Variants in SPATA13 observed in about 807,000 individuals in gnomAD.
SPATA13 encodes the protein spermatogenesis associated 13.
SPATA13 carries 50 observed loss-of-function variants against 104.0 expected under a neutral mutation model. That is an observed-to-expected ratio of 0.48 (90% CI 0.38 to 0.61). The LOEUF (loss-of-function observed/expected upper bound fraction) is 0.61. Ranked by LOEUF, SPATA13 falls within the 20% of genes least tolerant of loss-of-function variation. The probability of loss-of-function intolerance (pLI) is 0.00; values close to 1 mark genes in which losing one functional copy is unlikely to be tolerated. For synonymous variants in SPATA13, 606 were observed against 667.5 expected (o/e 0.91, Z 1.42); for missense variants, 1,524 against 1,690.6 (o/e 0.90, Z 1.73).
chr13:24,233,956 A>C (rs978590729), intron 2 of SPATA13, among the ~76,000 whole-genome samples: 5 of 152,138 alleles, frequency 3.3e-5, no homozygotes, highest in African/African-American at 1.2e-4. Context: ...CAAATGCAGA[A>C]TCTAAATAAA....
rs141499395 is a variant in SPATA13, at chr13:23,995,862, C to T, written c.-147+11929C>T. 9.0e-4 allele frequency among the ~76,000 whole-genome samples: 137 copies of T among 152,042 alleles called. 1 individual carries two copies. The highest frequency in any genetic ancestry group is 3.2e-3 in the African/African-American group (132 of 41,506). ...GGAAGGGTGAGGCTGCCTTGAACTG[C>T]GTGGAGGAAGTGGTCATCTTTTATT... On this transcript the variant is annotated intron_variant, in intron 2 of 14. Coordinates refer to the SPATA13 transcript ENST00000424834.
At chr13:24,091,601 A>G (rs1182920934) in intron 3 of SPATA13, among the ~76,000 whole-genome samples, 2 of 152,234 alleles carry the variant, frequency 1.3e-5, no homozygotes, top group Non-Finnish European at 2.9e-5. Context: ...CTTAATGGTC[A>G]GGAGTCTGAG....
intron 3 of SPATA13, among the ~76,000 whole-genome samples, chr13:24,098,689 A>C (rs1273282899): frequency 2.0e-5 from 3 of 151,832 alleles, no homozygotes; most frequent in African/African-American, 7.3e-5. Flanking sequence ...AGCACTTTGG[A>C]AGGCTGAGGC....
intron 1 of SPATA13, among the ~76,000 whole-genome samples, chr13:24,188,271 G>T (rs555770829): frequency 6.6e-6 from 1 of 152,076 alleles, no homozygotes; most frequent in Non-Finnish European, 1.5e-5. Flanking sequence ...AACCTGGGAG[G>T]CAGTGAGTCG....
intron 3 of SPATA13, among the ~76,000 whole-genome samples, chr13:24,018,285 A>T (rs1876807102): frequency 1.3e-5 from 2 of 152,310 alleles, no homozygotes; most frequent in South Asian, 2.1e-4. Context: ...ACCACTTCAT[A>T]GTTGTAAGGT....
chr13:24,281,428 T>C (rs1232579740), intron 4 of SPATA13, among the ~76,000 whole-genome samples: 1 of 152,060 alleles, frequency 6.6e-6, no homozygotes, highest in Non-Finnish European at 1.5e-5. Context: ...CTGAGAGCTC[T>C]CCCCTGGCTT....
upstream of SPATA13, among the ~76,000 whole-genome samples, chr13:24,156,521 C>T (rs1882260924): frequency 6.6e-6 from 1 of 152,180 alleles, no homozygotes; most frequent in South Asian, 2.1e-4. Flanking sequence ...AATTGGGTTT[C>T]CCAGCACCCC....
rs187000936 is a variant in SPATA13 at position 24,106,591 on chromosome 13, G to A, written c.-112+88890G>A. Among the ~76,000 whole-genome samples the A allele has an allele frequency of 4.3e-4, 66 of 152,266 alleles. 1 individual carries two copies. Among genetic ancestry groups the A allele is most frequent in the Middle Eastern group, 3.4e-3 (1 of 294 alleles). On this transcript the variant is annotated intron_variant, in intron 3 of 14. Coordinates refer to the SPATA13 transcript ENST00000424834. Reference sequence around the variant, plus strand: ...CAGCCACATGTACAGAACAGCACTCGCTTTGTGTCTCACTGGGTCTAAGTA... The same window carrying A: ...CAGCCACATGTACAGAACAGCACTCACTTTGTGTCTCACTGGGTCTAAGTA...
intron 2 of SPATA13, among the ~76,000 whole-genome samples, chr13:24,231,577 C>A (rs1872276300): frequency 1.3e-5 from 2 of 152,124 alleles, no homozygotes; most frequent in African/African-American, 2.4e-5. Flanking sequence ...ACATACAAGT[C>A]CTTGGGTGGA....
chr13:24,198,236 G>GCC (rs200156236), intron 1 of SPATA13, among the ~76,000 whole-genome samples: 46 of 152,094 alleles, frequency 3.0e-4, no homozygotes, highest in African/African-American at 1.1e-3. Flanking sequence ...CTTGTGATCT[G>GCC]CCCCCCTTGG....
Position 24,108,207 on chromosome 13 carries a change from G to A in SPATA13, c.-112+90506G>A, listed in dbSNP as rs562127903. On this transcript the variant is annotated intron_variant, in intron 3 of 14. Transcript: ENST00000424834. ...TAATCCATGAGAGCTCCACCCTCGT[G>A]ATTTAATCACCGCCTAAAGGCTCCA... Among the ~76,000 whole-genome samples the A allele has an allele frequency of 1.4e-4, 22 of 152,330 alleles. No homozygotes were observed. The East Asian group carries it at 3.5e-3, about 24-fold the overall frequency.
intron 3 of SPATA13, among the ~76,000 whole-genome samples, chr13:24,045,635 C>T (rs537838090): frequency 1.6e-4 from 25 of 152,218 alleles, no homozygotes; most frequent in African/African-American, 5.8e-4. Context: ...AAAATCAGTC[C>T]TCAAGGGAAG....
chr13:24,097,362 G>A (rs1593327135), intron 3 of SPATA13, among the ~76,000 whole-genome samples: 1 of 152,094 alleles, frequency 6.6e-6, no homozygotes, highest in Non-Finnish European at 1.5e-5. Flanking sequence ...CAGGAAATTC[G>A]CAGCCTGGTC....
chr13:24,037,450 C>T (rs1446476461), intron 3 of SPATA13, among the ~76,000 whole-genome samples: 1 of 152,010 alleles, frequency 6.6e-6, no homozygotes, highest in Non-Finnish European at 1.5e-5. Flanking sequence ...CTCTGTTGCC[C>T]AGGCTGGAGT....
rs145396850 is a variant in SPATA13 at position 24,113,131 on chromosome 13, G to A, written c.-112+95430G>A. Among the ~76,000 whole-genome samples, 26 of 152,284 alleles carry A rather than the reference G, an allele frequency of 1.7e-4. No homozygotes were observed. In the East Asian group the frequency reaches 3.5e-3, roughly 20 times the overall value. On this transcript the variant is annotated intron_variant, in intron 3 of 14. Coordinates refer to the SPATA13 transcript ENST00000424834. ...TGAAATGCTACTTGAAAGGCTAACC[G>A]GACAATGTCCACTTTAAGTTTTAGT...
chr13:24,299,906 G>A (rs1479574732), intron 11 of SPATA13, among the ~76,000 whole-genome samples: 1 of 152,202 alleles, frequency 6.6e-6, no homozygotes, highest in African/African-American at 2.4e-5. Flanking sequence ...TTACAGTGAG[G>A]GAATGCTCAG....
Position 24,302,935 on chromosome 13 carries a change from G to A in SPATA13, c.*162G>A, listed in dbSNP as rs1354563491. On this transcript the variant is annotated 3_prime_UTR_variant, in exon 13 of 13. Coordinates refer to ENST00000382108, the MANE Select transcript of SPATA13 (RefSeq NM_001166271.3). ...GTCTTGGAATCACCTTCAGTCTTTG[G>A]AGACCCAGCTGCCTTTGTGGAAGGG... The A allele has an allele frequency of 2.3e-6, 2 of 859,182 alleles. No individual in the cohort carries two copies. Among genetic ancestry groups the A allele is most frequent in the African/African-American group, 1.7e-5 (1 of 59,242 alleles). The allele number at this position is 859,182 out of a possible 1,614,324, so 53.2% of individuals were successfully genotyped here. A position where few individuals can be genotyped will look rare whatever the true frequency, so the allele number is the denominator to read the frequency against.
chr13:24,294,980 A>C (rs1294736353), intron 10 of SPATA13, 112 bp downstream of exon 10: 1 of 1,136,788 alleles, frequency 8.8e-7, no homozygotes, highest in African/African-American at 1.5e-5. Flanking sequence ...TCTTGGCTTT[A>C]ATGGTACATA....
In SPATA13 at chr13:24,249,458, A is replaced by C. The variant is rs1398874001; in HGVS notation, c.1654-19A>C. On this transcript the variant is annotated intron_variant, in intron 2 of 12. Coordinates refer to ENST00000382108, the MANE Select transcript of SPATA13 (RefSeq NM_001166271.3). Reference sequence around the variant, plus strand: ...CCTTCCTGGATATTGAGCTCACCTGACCTGTTCGCATTTGAAAGGTCGTCC... The same window carrying C: ...CCTTCCTGGATATTGAGCTCACCTGCCCTGTTCGCATTTGAAAGGTCGTCC... 6.6e-7 allele frequency: 1 copy of C among 1,525,084 alleles called. No homozygotes were observed. Among genetic ancestry groups the C allele is most frequent in the East Asian group, 2.5e-5 (1 of 40,678 alleles). 94.5% of individuals were successfully genotyped at this position (1,525,084 alleles called of 1,614,324 possible). A position where few individuals can be genotyped will look rare whatever the true frequency, so the allele number is the denominator to read the frequency against.
Sources: allele counts gnomAD v4.1 joint callset (sites outside exome capture counted in the v4.1 genomes callset), GRCh38; gene constraint gnomAD v4.1.1; transcripts MANE v1.5; gene names NCBI Gene and HGNC (gene_info 2026-07-23, HGNC 2026-07-21).